Variants in LPIN1 observed in about 807,000 individuals in gnomAD.
The protein encoded by LPIN1 is lipin 1.
LPIN1 carries 71 observed loss-of-function variants against 107.5 expected under a neutral mutation model. That is an observed-to-expected ratio of 0.66 (90% confidence interval 0.55 to 0.80). LPIN1 has a LOEUF of 0.80. LPIN1 is among the 30% of genes least tolerant of loss of function. The pLI is 0.00. For missense variants in LPIN1, 1,043 were observed against 1,160.6 expected (o/e 0.90, Z 1.47); for synonymous variants, 445 against 452.6 (o/e 0.98, Z 0.21).
intron 1 of LPIN1, among the ~76,000 whole-genome samples, chr2:11,737,943 T>C (rs1165571458): frequency 6.6e-6 from 1 of 152,204 alleles, no homozygotes; most frequent in African/African-American, 2.4e-5. Flanking sequence ...ATATGTATGT[T>C]TATTGCAGCA....
At chr2:11,720,644 A>C (rs1342187838), upstream of LPIN1, among the ~76,000 whole-genome samples, 1 of 152,072 alleles carries the variant, frequency 6.6e-6, no homozygotes, top group Non-Finnish European at 1.5e-5. Context: ...CAGAGCAAGC[A>C]TGAAGAAATG....
intron 1 of LPIN1, among the ~76,000 whole-genome samples, chr2:11,725,503 C>G (rs537405820): frequency 6.6e-6 from 1 of 152,260 alleles, no homozygotes; most frequent in South Asian, 2.1e-4. Context: ...TGGAAGTAGG[C>G]GACATCTGTC....
At chr2:11,767,371 T>G in intron 2 of LPIN1, 1 of 272,884 alleles carries the variant, frequency 3.7e-6, no homozygotes, top group Non-Finnish European at 7.1e-6. Flanking sequence ...TTACTCCTCT[T>G]GTCTGGCCTC....
chr2:11,701,399 G>C lies in LPIN1; in HGVS notation c.82-12357G>C, dbSNP rs143330504. On this transcript the variant is annotated intron_variant, in intron 1 of 21. Coordinates refer to the LPIN1 transcript ENST00000449576. The stretch of plus-strand genomic sequence containing the variant: ...TCATGACACCTGATAGATGCTCAAT[G>C]AATGTGTGACTGGACTTGCCTAATC... Among the ~76,000 whole-genome samples the C allele has an allele frequency of 5.6e-3, 854 of 152,304 alleles. 5 individuals are homozygous for C. Among genetic ancestry groups the C allele is most frequent in the Middle Eastern group, 0.014 (4 of 294 alleles).
chr2:11,759,387 A>T (rs1669262159), intron 1 of LPIN1, among the ~76,000 whole-genome samples: 1 of 151,628 alleles, frequency 6.6e-6, no homozygotes, highest in African/African-American at 2.4e-5. Flanking sequence ...GATGACTCTT[A>T]ACGAGCCTGC....
chr2:11,819,561 C>G lies in LPIN1; in HGVS notation c.2480C>G (p.Thr827Arg). 6.2e-7 allele frequency: 1 copy of G among 1,614,088 alleles called. No homozygotes were observed. The highest frequency in any genetic ancestry group is 1.3e-5 in the African/African-American group (1 of 75,050). Residue 827 changes from threonine to arginine, a missense_variant, in exon 19 of 21, where the codon ACA becomes AGA. Transcript: ENST00000674199. ...TDIKNLFFPNTEPFYAAFGNR... is the reference protein window; with the variant it reads ...TDIKNLFFPNREPFYAAFGNR... The stretch of plus-strand genomic sequence containing the variant: ...ATCAAAAACCTGTTTTTCCCCAACA[C>G]AGAACCCTTTTATGCTGCTTTTGGA...
chr2:11,824,379 C>CTG lies in LPIN1; in HGVS notation c.2622-251_2622-250dup, dbSNP rs531960619. On this transcript the variant is annotated intron_variant, in intron 20 of 20. Transcript: ENST00000674199. Reference sequence around the variant, plus strand: ...TTTTGCTTGGCTGTATCTCCTTTACCTGTCCTTCAAGTGAAGTCAGGTCCC... The same window carrying CTG: ...TTTTGCTTGGCTGTATCTCCTTTACCTGTGTCCTTCAAGTGAAGTCAGGTCCC... 3.3e-5 allele frequency among the ~76,000 whole-genome samples: 5 copies of CTG among 151,720 alleles called. No individual in the cohort carries two copies. The East Asian group carries it at 9.8e-4, about 30-fold the overall frequency.
At chr2:11,736,299 G>C (rs753872831) in intron 1 of LPIN1, among the ~76,000 whole-genome samples, 53 of 152,372 alleles carry the variant, frequency 3.5e-4, no homozygotes, top group Middle Eastern at 3.4e-3. Flanking sequence ...TCTATCTCAT[G>C]GTTCTGGAGG....
intron 17 of LPIN1, among the ~76,000 whole-genome samples, chr2:11,809,258 A>G (rs1009513857): frequency 1.3e-5 from 2 of 152,158 alleles, no homozygotes; most frequent in Non-Finnish European, 2.9e-5. Context: ...TATTTCATAC[A>G]TGCTTTTATA....
chr2:11,809,847 C>T (rs1439136904), intron 17 of LPIN1, among the ~76,000 whole-genome samples: 1 of 152,234 alleles, frequency 6.6e-6, no homozygotes, highest in South Asian at 2.1e-4. Context: ...GATGGAAGGT[C>T]TGATCAGGAG....
intron 1 of LPIN1, among the ~76,000 whole-genome samples, chr2:11,759,728 A>T (rs1669351752): frequency 6.6e-6 from 1 of 152,094 alleles, no homozygotes; most frequent in Admixed American, 6.6e-5. Context: ...GGCCGGGCAG[A>T]GGGGCTCCTC....
At chr2:11,734,200 T>TGGGA (rs1236512254) in intron 1 of LPIN1, among the ~76,000 whole-genome samples, 113 of 152,240 alleles carry the variant, frequency 7.4e-4, no homozygotes, top group African/African-American at 2.6e-3. Flanking sequence ...TGACCAACTT[T>TGGGA]TCTTCTGTCC....
chr2:11,759,635 C>G (rs1010025985), intron 1 of LPIN1, among the ~76,000 whole-genome samples: 1 of 152,254 alleles, frequency 6.6e-6, no homozygotes. Context: ...CCACATTTCC[C>G]CCTTTTCTAT....
Position 11,804,501 on chromosome 2 carries a change from G to A in LPIN1, c.2092G>A (p.Glu698Lys). ...TTQYQGTCRC[E>K]GTIYLWNWDD... ...GCAGTACCAAGGCACGTGCCGCTGT[G>A]AGGGCACCATCTATCTGTGGAACTG... is the stretch of plus-strand genomic sequence containing the variant. The change falls in exon 16 of 21, where the codon GAG (glutamate) becomes AAG (lysine). Residue 698 changes from glutamate (E) to lysine (K), a missense_variant. Physicochemically the swap from Glu to Lys is moderately conservative, Grantham distance 56 (BLOSUM62 1). Coordinates refer to ENST00000674199, the MANE Select transcript of LPIN1 (RefSeq NM_001349206.2). 1 of 1,614,200 alleles carries A rather than the reference G, an allele frequency of 6.2e-7. No individual in the cohort carries two copies. Among genetic ancestry groups the A allele is most frequent in the East Asian group, 2.2e-5 (1 of 44,892 alleles).
At chr2:11,775,404 C>T (rs527518036) in intron 5 of LPIN1, among the ~76,000 whole-genome samples, 54 of 152,336 alleles carry the variant, frequency 3.5e-4, no homozygotes, top group African/African-American at 8.7e-4. Context: ...TTAAACACAA[C>T]TCTGAGCGTG....
chr2:11,802,483 G>A (rs953554912), intron 14 of LPIN1, among the ~76,000 whole-genome samples: 4 of 152,138 alleles, frequency 2.6e-5, no homozygotes, highest in African/African-American at 7.2e-5. Context: ...TATATTTGGC[G>A]AGCTTTATAT....
At chr2:11,787,716 C>T (rs1180231531) in intron 11 of LPIN1, among the ~76,000 whole-genome samples, 3 of 151,692 alleles carry the variant, frequency 2.0e-5, no homozygotes, top group Non-Finnish European at 2.9e-5. Context: ...CCAAGGCAGG[C>T]GGATCATGAG....
intron 4 of LPIN1, among the ~76,000 whole-genome samples, chr2:11,773,132 A>G (rs894799939): frequency 1.3e-5 from 2 of 152,242 alleles, no homozygotes; most frequent in Admixed American, 1.3e-4. Context: ...GGTCATTTGC[A>G]GTTATTCTGT....
chr2:11,717,745 A>G (rs1227761479), intron 2 of LPIN1, among the ~76,000 whole-genome samples: 1 of 151,890 alleles, frequency 6.6e-6, no homozygotes, highest in African/African-American at 2.4e-5. Flanking sequence ...TTTATTCCTC[A>G]CAACGGCCTT....
Sources: allele counts gnomAD v4.1 joint callset (sites outside exome capture counted in the v4.1 genomes callset), GRCh38; gene constraint gnomAD v4.1.1; transcripts MANE v1.5; gene names NCBI Gene and HGNC (gene_info 2026-07-23, HGNC 2026-07-21).